DAW1: variants seen among roughly 807,000 people sequenced by gnomAD.
The protein encoded by DAW1 is dynein assembly factor with WD repeats 1, also known as dynein assembly factor with WD repeat domains 1.
In DAW1, 47 loss-of-function variants were observed where a neutral mutation model predicts 56.5. The ratio of observed to expected loss-of-function variants is 0.83; its 90% confidence interval spans 0.66 to 1.06. The LOEUF (loss-of-function observed/expected upper bound fraction) is 1.06, where lower values mean the gene tolerates loss of function less well. Among genes scored for constraint, DAW1 ranks in the 50% least tolerant of loss-of-function variants. The pLI is 0.00. For missense variants in DAW1, 505 were observed against 499.3 expected (o/e 1.01, Z -0.11); for synonymous variants, 190 against 179.0 (o/e 1.06, Z -0.49).
At chr2:227,875,260 C>T (rs1158487092) in intron 1 of DAW1, among the ~76,000 whole-genome samples, 1 of 152,192 alleles carries the variant, frequency 6.6e-6, no homozygotes, top group African/African-American at 2.4e-5. Context: ...CTGACCACTA[C>T]CATTCTTTTT....
intron 11 of DAW1, among the ~76,000 whole-genome samples, chr2:227,919,979 T>C (rs1365153249): frequency 6.6e-6 from 1 of 152,204 alleles, no homozygotes; most frequent in Non-Finnish European, 1.5e-5. Flanking sequence ...CTCCAGGGCA[T>C]GCAGACTATG....
chr2:227,911,022 A>T (rs890087247), intron 10 of DAW1, among the ~76,000 whole-genome samples: 1 of 151,856 alleles, frequency 6.6e-6, no homozygotes, highest in African/African-American at 2.4e-5. Flanking sequence ...ACCGCCCTAT[A>T]TCTGCATTAT....
rs760944147 is a variant in DAW1 at position 227,898,175 on chromosome 2, A to G, written c.441-7A>G. 3.2e-6 allele frequency: 5 copies of G among 1,553,584 alleles called. No individual in the cohort carries two copies. Among genetic ancestry groups the G allele is most frequent in the South Asian group, 1.3e-5 (1 of 78,612 alleles). The stretch of plus-strand genomic sequence containing the variant: ...TTTAAATAATCTACATTTCTTTTAA[A>G]TCTTAGTGACAAAATCGCCACTGGG... On this transcript the variant is annotated splice_region_variant and splice_polypyrimidine_tract_variant and intron_variant, in intron 5 of 12. Transcript: ENST00000309931.
chr2:227,918,647 A>T, intron 10 of DAW1, 133 bp from the exon 11 acceptor site: 3 of 948,260 alleles, frequency 3.2e-6, no homozygotes. Flanking sequence ...TCTGGCTCTC[A>T]ACACAGGCAA....
At chr2:227,910,525 C>CACACACACACACACACA (rs1553603514) in intron 10 of DAW1, among the ~76,000 whole-genome samples, 3 of 149,508 alleles carry the variant, frequency 2.0e-5, no homozygotes, top group South Asian at 2.1e-4. Context: ...CACACACACA[C>CACACACACACACACACA]CCCTCATATT....
intron 10 of DAW1, chr2:227,912,309 T>C: frequency 8.1e-7 from 1 of 1,237,044 alleles, no homozygotes. Flanking sequence ...CTTGGCTCAC[T>C]GCAACCTGCG....
intron 1 of DAW1, among the ~76,000 whole-genome samples, chr2:227,876,875 TG>T (rs1382140825): frequency 6.6e-6 from 1 of 152,236 alleles, no homozygotes; most frequent in African/African-American, 2.4e-5. Flanking sequence ...TCATTTATTG[TG>T]TGAAGTCCAT....
Position 227,876,444 on chromosome 2 carries a change from C to T in DAW1, c.40+4715C>T, listed in dbSNP as rs1559300780. ...TGACATTTAATTTCTGAATTCCAGT[C>T]TTTGGTGAGCCAAATCATATGCAAG... is the stretch of plus-strand genomic sequence containing the variant. On this transcript the variant is annotated intron_variant, in intron 1 of 12. Coordinates refer to ENST00000309931, the MANE Select transcript of DAW1 (RefSeq NM_178821.3). The T allele has an allele frequency of 2.3e-5, 30 of 1,302,886 alleles. 1 individual carries two copies. Among genetic ancestry groups the T allele is most frequent in the Non-Finnish European group, 3.0e-5 (30 of 988,194 alleles). 80.7% of individuals were successfully genotyped at this position (1,302,886 alleles called of 1,614,324 possible).
intron 12 of DAW1, among the ~76,000 whole-genome samples, chr2:227,923,519 A>G (rs766914506): frequency 2.0e-5 from 3 of 152,152 alleles, no homozygotes; most frequent in Non-Finnish European, 4.4e-5. Flanking sequence ...AAATTTTGAA[A>G]TGTTCCAAAG....
chr2:227,914,920 G>A (rs16825821), intron 10 of DAW1, among the ~76,000 whole-genome samples: 130,295 of 152,032 alleles, frequency 0.86, 55,963 homozygotes, highest in Middle Eastern at 0.96. Flanking sequence ...ACAACTACAT[G>A]TCATGCTATA....
chr2:227,901,721 C>A (rs78064445), intron 6 of DAW1, among the ~76,000 whole-genome samples: 8,997 of 152,134 alleles, frequency 0.059, 299 homozygotes, highest in Middle Eastern at 0.099. Flanking sequence ...GAAGAGTTGA[C>A]GAGTGAGCAG....
At chr2:227,907,103 C>G (rs779511208) in intron 9 of DAW1, 35 bp from the exon 10 acceptor site, 2 of 1,143,104 alleles carry the variant, frequency 1.7e-6, no homozygotes, top group East Asian at 6.2e-5. Context: ...AAGTCATAGT[C>G]TTTTTTTTTT....
intron 9 of DAW1, 96 bp from the exon 10 acceptor site, chr2:227,907,042 A>G (rs1047893879): frequency 2.7e-6 from 2 of 738,774 alleles, no homozygotes; most frequent in African/African-American, 3.6e-5. Flanking sequence ...TTATTTAACC[A>G]GCCATAAGCA....
At chr2:227,896,739 T>A (rs1691418702) in intron 5 of DAW1, among the ~76,000 whole-genome samples, 1 of 151,938 alleles carries the variant, frequency 6.6e-6, no homozygotes, top group Non-Finnish European at 1.5e-5. Context: ...TCTCAACACA[T>A]TGACATGAGA....
intron 1 of DAW1, among the ~76,000 whole-genome samples, chr2:227,878,509 C>T (rs1690938500): frequency 1.3e-5 from 2 of 152,158 alleles, no homozygotes; most frequent in Admixed American, 1.3e-4. Flanking sequence ...ATGGCTTGAG[C>T]CCAGGAGTTG....
chr2:227,873,482 T>C (rs1012460629), intron 1 of DAW1, among the ~76,000 whole-genome samples: 17 of 152,130 alleles, frequency 1.1e-4, no homozygotes, highest in Non-Finnish European at 2.2e-4. Context: ...AGAGGTCAGG[T>C]ATGGAAATTA....
chr2:227,881,610 C>T (rs1050372898), intron 1 of DAW1, among the ~76,000 whole-genome samples: 1 of 152,104 alleles, frequency 6.6e-6, no homozygotes. Flanking sequence ...TCTTCATATA[C>T]ATCTTATTTA....
intron 6 of DAW1, among the ~76,000 whole-genome samples, chr2:227,902,112 G>A (rs1191552146): frequency 6.6e-6 from 1 of 152,160 alleles, no homozygotes; most frequent in African/African-American, 2.4e-5. Flanking sequence ...AGAGCCAGAA[G>A]CATCTTAAGC....
chr2:227,877,577 A>G (rs1249886789), intron 1 of DAW1, among the ~76,000 whole-genome samples: 1 of 152,238 alleles, frequency 6.6e-6, no homozygotes, highest in East Asian at 1.9e-4. Context: ...TTTTGGCACC[A>G]GGGACTGGTT....
Sources: allele counts gnomAD v4.1 joint callset (sites outside exome capture counted in the v4.1 genomes callset), GRCh38; gene constraint gnomAD v4.1.1; transcripts MANE v1.5; gene names NCBI Gene and HGNC (gene_info 2026-07-23, HGNC 2026-07-21).